SULF1: variants seen among roughly 807,000 people sequenced by gnomAD.
The protein encoded by SULF1 is sulfatase 1.
Under a neutral mutation model 110.5 loss-of-function variants are expected in SULF1, and 46 were observed. The ratio of observed to expected loss-of-function variants is 0.42; its 90% CI spans 0.33 to 0.53. The LOEUF is 0.53. SULF1 is among the 20% of genes least tolerant of loss of function. The probability of loss-of-function intolerance (pLI) is 0.12; values close to 1 mark genes in which losing one functional copy is unlikely to be tolerated. For missense variants in SULF1, 941 were observed against 1,094.2 expected (o/e 0.86, Z 1.98); for synonymous variants, 371 against 387.1 (o/e 0.96, Z 0.49).
At position 69,638,741 on chromosome 8, in the gene SULF1, A is replaced by G. The variant is rs527934534; in HGVS notation, c.2434A>G (p.Asn812Asp). ...GTCCTGTCTGCATTCACAGCTCACA[A>G]ATACAGTGCACACGGTAGAACGAGG... Reference protein sequence around the residue: ...DMNTDPYQLTNTVHTVERGIL... With the variant: ...DMNTDPYQLTDTVHTVERGIL... The change falls in exon 21 of 23, where the codon AAT becomes GAT. Residue 812 changes from asparagine to aspartate, a missense_variant. This residue lies in a region of SULF1 where 112 missense variants were observed against 133.5 expected (regional missense o/e 0.84). Transcript: ENST00000402687. 1 of 1,613,988 alleles carries G rather than the reference A, an allele frequency of 6.2e-7. No homozygotes were observed. Among genetic ancestry groups the G allele is most frequent in the African/African-American group, 1.3e-5 (1 of 75,042 alleles).
chr8:69,488,161 G>A (rs1809778949), upstream of SULF1, among the ~76,000 whole-genome samples: 1 of 152,126 alleles, frequency 6.6e-6, no homozygotes, highest in Non-Finnish European at 1.5e-5. Flanking sequence ...AACATCTAAA[G>A]CTTTGTTTCT....
rs1194315998 is a variant in SULF1, at chr8:69,603,671, C to T, written c.1247+15C>T. On this transcript the variant is annotated intron_variant, in intron 12 of 22. Coordinates refer to ENST00000402687, the MANE Select transcript of SULF1 (RefSeq NM_001128205.2). ...GTGGAAAGAGGGTAATTATTGGTTC[C>T]TGGGGTGCTTCTGGGAACCAGTCCT... 1.9e-6 allele frequency: 3 copies of T among 1,603,202 alleles called. No homozygotes were observed. In the African/African-American group the frequency reaches 4.0e-5, roughly 21 times the overall value.
At chr8:69,556,249 T>G (rs1279807312) in intron 3 of SULF1, among the ~76,000 whole-genome samples, 2 of 152,206 alleles carry the variant, frequency 1.3e-5, no homozygotes, top group Non-Finnish European at 2.9e-5. Context: ...GCAAACACTT[T>G]GGTCCACTAA....
chr8:69,577,537 C>A (rs1805707141), intron 6 of SULF1, among the ~76,000 whole-genome samples: 1 of 152,144 alleles, frequency 6.6e-6, no homozygotes, highest in Non-Finnish European at 1.5e-5. Context: ...AAACATGGAA[C>A]TGGAACGATT....
intron 19 of SULF1, among the ~76,000 whole-genome samples, chr8:69,634,047 C>T (rs991349744): frequency 6.6e-5 from 10 of 151,988 alleles, no homozygotes; most frequent in Non-Finnish European, 1.3e-4. Flanking sequence ...TTATAAATAA[C>T]ATAATTAGAG....
intron 1 of SULF1, among the ~76,000 whole-genome samples, chr8:69,471,018 A>G (rs1366767724): frequency 6.6e-6 from 1 of 152,144 alleles, no homozygotes; most frequent in Non-Finnish European, 1.5e-5. Context: ...CACTCAGTTC[A>G]TCCTTATCAC....
chr8:69,469,255 A>C (rs1808985418), intron 1 of SULF1: 1 of 152,238 alleles, frequency 6.6e-6, no homozygotes, highest in Non-Finnish European at 1.5e-5. Flanking sequence ...TCCTGACAGC[A>C]CTTGTGCTGG....
intron 8 of SULF1, chr8:69,592,861 C>T (rs1045452498): frequency 1.9e-5 from 18 of 942,120 alleles, no homozygotes; most frequent in Non-Finnish European, 2.2e-5. Flanking sequence ...CATGACAGAC[C>T]TCTTGACAAG....
intron 1 of SULF1, among the ~76,000 whole-genome samples, chr8:69,481,573 A>C (rs915980162): frequency 6.6e-6 from 1 of 152,114 alleles, no homozygotes; most frequent in Non-Finnish European, 1.5e-5. Context: ...GTATTAAGCC[A>C]AGCTTCCATT....
intron 3 of SULF1, among the ~76,000 whole-genome samples, chr8:69,509,782 T>C (rs4737979): frequency 0.52 from 79,012 of 151,700 alleles, 21,251 homozygotes; most frequent in South Asian, 0.65. Flanking sequence ...CACTGACTTA[T>C]GGAGGAATTT....
intron 3 of SULF1, among the ~76,000 whole-genome samples, chr8:69,503,376 A>T (rs1161432264): frequency 6.6e-6 from 1 of 152,206 alleles, no homozygotes; most frequent in Non-Finnish European, 1.5e-5. Flanking sequence ...CTGAATCCAC[A>T]GTAAGAGAAG....
intron 15 of SULF1, among the ~76,000 whole-genome samples, chr8:69,625,636 G>A (rs1300889131): frequency 6.6e-6 from 1 of 152,194 alleles, no homozygotes; most frequent in South Asian, 2.1e-4. Flanking sequence ...TCCTCCCAGT[G>A]GGCTCGTGGT....
At chr8:69,501,795 T>C (rs1315216437) in intron 2 of SULF1, 79 bp from the exon 3 acceptor site, 2 of 152,206 alleles carry the variant, frequency 1.3e-5, no homozygotes, top group Non-Finnish European at 2.9e-5. Context: ...TTTGAGGCTG[T>C]GAAAGGGCAA....
chr8:69,488,138 T>C (rs1325374470), upstream of SULF1, among the ~76,000 whole-genome samples: 1 of 152,186 alleles, frequency 6.6e-6, no homozygotes, highest in Admixed American at 6.5e-5. Context: ...ATCTCATGAA[T>C]AGGAGAAGAA....
chr8:69,619,571 C>G (rs1012095004), intron 13 of SULF1, among the ~76,000 whole-genome samples: 1 of 152,200 alleles, frequency 6.6e-6, no homozygotes, highest in African/African-American at 2.4e-5. Context: ...CTGTGGCAGG[C>G]ATGTTAGAAG....
intron 14 of SULF1, among the ~76,000 whole-genome samples, chr8:69,622,758 A>G (rs1326753697): frequency 1.3e-5 from 2 of 152,176 alleles, no homozygotes; most frequent in African/African-American, 2.4e-5. Flanking sequence ...AGGCACAAAC[A>G]CAAGTCTAGG....
At chr8:69,642,368 A>G (rs941077314) in intron 22 of SULF1, 6 of 987,188 alleles carry the variant, frequency 6.1e-6, no homozygotes, top group Non-Finnish European at 7.2e-6. Flanking sequence ...AAACAAAGGA[A>G]GGTGGACTTT....
intron 2 of SULF1, among the ~76,000 whole-genome samples, chr8:69,501,593 T>C (rs1810801497): frequency 6.6e-6 from 1 of 152,244 alleles, no homozygotes; most frequent in African/African-American, 2.4e-5. Flanking sequence ...TTAATGGTTC[T>C]ATGAAATCCA....
intron 8 of SULF1, among the ~76,000 whole-genome samples, chr8:69,589,409 G>A (rs1397661056): frequency 6.6e-6 from 1 of 152,162 alleles, no homozygotes; most frequent in Non-Finnish European, 1.5e-5. Context: ...GAGTGAATGG[G>A]GGCAAGTTTT....
Sources: gnomAD v4.1 joint callset for allele counts (sites outside exome capture counted in the v4.1 genomes callset) on GRCh38, gnomAD v4.1.1 for gene constraint, gnomAD v4.1.1 regional missense constraint, MANE v1.5 for transcripts, NCBI Gene and HGNC (gene_info 2026-07-23, HGNC 2026-07-21) for gene names.